The following DDX46 variants were observed in gnomAD, a reference collection of about 807,000 sequenced individuals.
DDX46 encodes probable ATP-dependent RNA helicase DDX46.
In DDX46, 30 loss-of-function variants were observed where a neutral mutation model predicts 134.9. The observed-to-expected ratio is 0.22, with a 90% confidence interval of 0.17 to 0.30. DDX46 has a LOEUF of 0.30. Ranked by LOEUF, DDX46 falls within the 10% of genes least tolerant of loss-of-function variation. The pLI is 1.00. For synonymous variants in DDX46, 415 were observed against 404.1 expected (o/e 1.03, Z -0.32); for missense variants, 622 against 1,248.7 (o/e 0.50, Z 7.56).
rs142080539 is a variant in DDX46, at chr5:134,767,036, A to G, written c.326A>G (p.Asn109Ser). The change falls in exon 3 of 23, where the codon AAT becomes AGT. Residue 109 changes from asparagine to serine, a missense_variant. Transcript: ENST00000452510. Reference protein sequence around the residue: ...GRRSRSSSPGNKSKKTENRSR... With the variant: ...GRRSRSSSPGSKSKKTENRSR... The stretch of plus-strand genomic sequence containing the variant: ...CGATCCCGATCCTCCAGTCCTGGAA[A>G]TAAAAGCAAGAAAACTGAGAATAGG... The G allele has an allele frequency of 1.9e-6, 3 of 1,613,786 alleles. No homozygotes were observed. Among genetic ancestry groups the G allele is most frequent in the Non-Finnish European group, 2.5e-6 (3 of 1,179,918 alleles).
chr5:134,804,964 C>A (rs777759708), intron 15 of DDX46: 4 of 358,080 alleles, frequency 1.1e-5, no homozygotes, highest in Admixed American at 2.9e-5. Flanking sequence ...ACAACACAAA[C>A]CCCTTGAAGT....
intron 21 of DDX46, among the ~76,000 whole-genome samples, 190 bp downstream of exon 21, chr5:134,819,194 C>T (rs1338976058): frequency 1.3e-5 from 2 of 152,138 alleles, no homozygotes; most frequent in Non-Finnish European, 2.9e-5. Context: ...GGTAAATGAT[C>T]TGTTTCCGAG....
intron 11 of DDX46, 103 bp from the exon 12 acceptor site, chr5:134,788,410 C>G: frequency 1.2e-6 from 1 of 865,690 alleles, no homozygotes; most frequent in Admixed American, 2.3e-5. Flanking sequence ...AAGCAGGAAG[C>G]TTGGAAGTCT....
intron 6 of DDX46, among the ~76,000 whole-genome samples, chr5:134,778,491 T>G (rs1030305147): frequency 6.6e-6 from 1 of 152,230 alleles, no homozygotes; most frequent in African/African-American, 2.4e-5. Context: ...ATTTGTTGAT[T>G]TATTCAGGCT....
intron 6 of DDX46, among the ~76,000 whole-genome samples, chr5:134,779,318 C>T (rs991178392): frequency 8.0e-5 from 12 of 150,600 alleles, no homozygotes; most frequent in African/African-American, 1.5e-4. Flanking sequence ...CTCAGCCTCC[C>T]GAGTAGCTGG....
At chr5:134,797,392 G>A (rs1211301065) in intron 15 of DDX46, among the ~76,000 whole-genome samples, 2 of 152,108 alleles carry the variant, frequency 1.3e-5, no homozygotes, top group Non-Finnish European at 2.9e-5. Context: ...GGGACACAGT[G>A]GAGCTGGGCA....
intron 10 of DDX46, 92 bp downstream of exon 10, chr5:134,784,633 A>G: frequency 1.5e-6 from 2 of 1,362,176 alleles, no homozygotes; most frequent in East Asian, 2.6e-5. Context: ...AATTATGACA[A>G]TGAAGTTGTC....
chr5:134,777,281 C>CT (rs1483252575), intron 5 of DDX46, among the ~76,000 whole-genome samples: 5 of 152,204 alleles, frequency 3.3e-5, no homozygotes, highest in Non-Finnish European at 1.5e-5. Context: ...GCTGTAAAAT[C>CT]TATTATTGGA....
At chr5:134,795,149 G>C in intron 14 of DDX46, 135 bp downstream of exon 14, 2 of 897,294 alleles carry the variant, frequency 2.2e-6, no homozygotes, top group Non-Finnish European at 3.3e-6. Context: ...CTAGCCTTCA[G>C]TATTTTACCA....
chr5:134,790,525 A>G lies in DDX46; in HGVS notation c.1599A>G (p.Arg533=). 2 of 1,613,426 alleles carry G rather than the reference A, an allele frequency of 1.2e-6. No individual in the cohort carries two copies. Among genetic ancestry groups the G allele is most frequent in the Non-Finnish European group, 1.7e-6 (2 of 1,179,824 alleles). ...ATGTTGTTTTAGATGAAGCAGACAG[A>G]ATGTTTGACATGGGTTTTGAACCCC... ...VTYVVLDEAD[R]MFDMGFEPQV... The change falls in exon 13 of 23, where the codon AGA becomes AGG. Residue 533 remains arginine (R), a synonymous_variant. Transcript: ENST00000452510.
chr5:134,771,783 G>A (rs1014208507), intron 4 of DDX46, among the ~76,000 whole-genome samples: 1 of 152,122 alleles, frequency 6.6e-6, no homozygotes, highest in Admixed American at 6.6e-5. Context: ...ATAACCAGAT[G>A]TGAAAGATAA....
At chr5:134,805,684 A>G (rs201554726) in intron 15 of DDX46, among the ~76,000 whole-genome samples, 3 of 151,562 alleles carry the variant, frequency 2.0e-5, no homozygotes, top group East Asian at 2.0e-4. Context: ...GGCTGCCACC[A>G]TGCCTGGTTA....
intron 6 of DDX46, 114 bp from the exon 7 acceptor site, chr5:134,781,019 C>A (rs896636977): frequency 5.6e-6 from 4 of 713,838 alleles, no homozygotes; most frequent in Non-Finnish European, 6.4e-6. Flanking sequence ...GACCATGTCA[C>A]TAAAAAAAGA....
At chr5:134,765,284 G>A (rs1343434535) in intron 2 of DDX46, among the ~76,000 whole-genome samples, 3 of 150,814 alleles carry the variant, frequency 2.0e-5, no homozygotes, top group African/African-American at 7.3e-5. Context: ...GGTGGCTCAT[G>A]CCTGTAATCC....
At chr5:134,806,986 C>T (rs1226480264) in intron 15 of DDX46, among the ~76,000 whole-genome samples, 1 of 151,864 alleles carries the variant, frequency 6.6e-6, no homozygotes. Flanking sequence ...ATGATAATCA[C>T]CTAAGGTTTT....
intron 15 of DDX46, among the ~76,000 whole-genome samples, chr5:134,798,515 A>AT (rs1233068311): frequency 6.6e-6 from 1 of 152,048 alleles, no homozygotes; most frequent in Non-Finnish European, 1.5e-5. Context: ...AGAATGTACC[A>AT]TTTTTTGTAT....
chr5:134,762,469 C>G (rs911200216), intron 1 of DDX46, among the ~76,000 whole-genome samples: 2 of 152,042 alleles, frequency 1.3e-5, no homozygotes, highest in South Asian at 4.2e-4. Context: ...TGGCTCATGC[C>G]TGTAATCCAT....
intron 1 of DDX46, among the ~76,000 whole-genome samples, chr5:134,761,983 C>T (rs905842759): frequency 3.3e-5 from 5 of 152,138 alleles, no homozygotes; most frequent in African/African-American, 1.2e-4. Flanking sequence ...AGGCCAGGTG[C>T]AGTGGCTCAC....
At chr5:134,768,371 A>C (rs1451795933) in intron 3 of DDX46, among the ~76,000 whole-genome samples, 2 of 151,370 alleles carry the variant, frequency 1.3e-5, no homozygotes, top group Admixed American at 1.3e-4. Flanking sequence ...CGGCCTCCCA[A>C]AGTGCTGGGA....
Sources: allele counts gnomAD v4.1 joint callset (sites outside exome capture counted in the v4.1 genomes callset), GRCh38; gene constraint gnomAD v4.1.1; transcripts MANE v1.5; gene names NCBI Gene and HGNC (gene_info 2026-07-23, HGNC 2026-07-21).